PCDHA5: variants seen among roughly 807,000 people sequenced by gnomAD.
The protein encoded by PCDHA5 is protocadherin alpha-5.
A neutral mutation model predicts 61.6 loss-of-function variants in PCDHA5; 43 were observed. The ratio of observed to expected loss-of-function variants is 0.70; its 90% CI spans 0.55 to 0.90. PCDHA5 has a LOEUF of 0.90. Among genes scored for constraint, PCDHA5 ranks in the 40% least tolerant of loss-of-function variants. The pLI, the probability that PCDHA5 is intolerant of heterozygous loss-of-function variation, is 0.00. For synonymous variants in PCDHA5, 627 were observed against 543.9 expected (o/e 1.15, Z -2.13); for missense variants, 1,298 against 1,222.7 (o/e 1.06, Z -0.92).
At chr5:140,862,415 G>A (rs1382532896) in intron 1 of PCDHA5, 6 of 348,784 alleles carry the variant, frequency 1.7e-5, no homozygotes, top group Non-Finnish European at 2.8e-5. Context: ...TTCAAAAGGC[G>A]CTGCCCAGAA....
At chr5:140,967,758 A>G (rs781815948) in intron 1 of PCDHA5, 8 of 1,614,162 alleles carry the variant, frequency 5.0e-6, no homozygotes, top group Non-Finnish European at 5.9e-6. Context: ...GCCTCCTCCT[A>G]CCAGATCTAT....
Position 140,871,296 on chromosome 5 carries a change from C to A in PCDHA5, c.2352+47169C>A. ...CGGCAACGCCCACTGAGGGCGCGTG[C>A]GCGCCGGGGAAGCCCACGCTGGTGT... On this transcript the variant is annotated intron_variant, in intron 1 of 3. Coordinates refer to ENST00000529859, the MANE Select transcript of PCDHA5 (RefSeq NM_018908.3). 7 of 1,613,892 alleles carry A rather than the reference C, an allele frequency of 4.3e-6. No homozygotes were observed. The South Asian group carries it at 4.4e-5, about 10-fold the overall frequency.
Position 140,838,073 on chromosome 5 carries a change from ATATAGTGTGTGT to A in PCDHA5, c.2352+13947_2352+13958del, listed in dbSNP as rs1161120523. Among the ~76,000 whole-genome samples the A allele has an allele frequency of 1.4e-3, 180 of 126,834 alleles. 3 individuals are homozygous for A. Among genetic ancestry groups the A allele is most frequent in the South Asian group, 4.9e-3 (18 of 3,638 alleles). The allele number at this position is 126,834 out of a possible 152,430, so 83.2% of individuals were successfully genotyped here. ...TGGTTTTCCACTTTAAGTTATATATATATAGTGTGTGTGTGTGTGTGTGTGTGTGTGTGTGTG... is the reference window on the plus strand; with the variant it reads ...TGGTTTTCCACTTTAAGTTATATATAGTGTGTGTGTGTGTGTGTGTGTGTG... On this transcript the variant is annotated intron_variant, in intron 1 of 3. Coordinates refer to ENST00000529859, the MANE Select transcript of PCDHA5 (RefSeq NM_018908.3).
At chr5:140,904,206 C>T (rs2070944708) in intron 1 of PCDHA5, among the ~76,000 whole-genome samples, 1 of 151,882 alleles carries the variant, frequency 6.6e-6, no homozygotes, top group South Asian at 2.1e-4. Flanking sequence ...CCCCTAAGTC[C>T]CCAAAGTCCA....
chr5:140,928,081 C>T (rs782268064), intron 1 of PCDHA5: 1 of 1,614,090 alleles, frequency 6.2e-7, no homozygotes, highest in Non-Finnish European at 8.5e-7. Context: ...CTACTACAGC[C>T]TGCTGATTGA....
chr5:140,978,633 CA>C (rs2096813426), intron 1 of PCDHA5, among the ~76,000 whole-genome samples: 1 of 152,214 alleles, frequency 6.6e-6, no homozygotes, highest in South Asian at 2.1e-4. Context: ...TTTCCTTTCT[CA>C]AAGCAGACTG....
At chr5:140,850,396 C>T (rs2150482265) in intron 1 of PCDHA5, 1 of 1,597,978 alleles carries the variant, frequency 6.3e-7, no homozygotes, top group Non-Finnish European at 8.6e-7. Flanking sequence ...ATCAGCACAA[C>T]GCGTGCCCTG....
intron 1 of PCDHA5, chr5:140,867,891 G>C (rs1468636250): frequency 1.3e-5 from 2 of 152,016 alleles, no homozygotes; most frequent in African/African-American, 4.8e-5. Flanking sequence ...CACAATATCA[G>C]GTACTTACAG....
intron 1 of PCDHA5, among the ~76,000 whole-genome samples, chr5:140,972,314 GTGT>G (rs1387433472): frequency 1.3e-5 from 2 of 150,490 alleles, no homozygotes; most frequent in Non-Finnish European, 3.0e-5. Context: ...TAGTTTTTAG[GTGT>G]TTTTTTTTTT....
At chr5:140,898,894 G>A (rs1200031286) in intron 1 of PCDHA5, among the ~76,000 whole-genome samples, 5 of 152,102 alleles carry the variant, frequency 3.3e-5, no homozygotes, top group African/African-American at 9.7e-5. Context: ...TCTCCTTGAA[G>A]AGGTCCTTCA....
intron 1 of PCDHA5, among the ~76,000 whole-genome samples, chr5:140,906,601 A>G (rs1337843589): frequency 6.6e-6 from 1 of 152,156 alleles, no homozygotes; most frequent in Non-Finnish European, 1.5e-5. Flanking sequence ...TCTACTACTC[A>G]TTCTGTATTC....
intron 1 of PCDHA5, among the ~76,000 whole-genome samples, chr5:140,898,476 G>A (rs1167001415): frequency 6.6e-6 from 1 of 152,072 alleles, no homozygotes; most frequent in Non-Finnish European, 1.5e-5. Flanking sequence ...TTTTTCTCAG[G>A]TTTGTCAAAG....
chr5:140,823,321 G>T lies in PCDHA5; in HGVS notation c.1546G>T (p.Val516Leu). The T allele has an allele frequency of 6.2e-7, 1 of 1,612,290 alleles. No individual in the cohort carries two copies. Residue 516 changes from valine (V) to leucine (L), a missense_variant, in exon 1 of 4, where the codon GTG becomes TTG. By Grantham distance (32) the Val-to-Leu change is conservative. Coordinates refer to ENST00000529859, the MANE Select transcript of PCDHA5 (RefSeq NM_018908.3). ...TTCGGTGCACGCGGAGAGCGGCAAGGTGTACGCGCTGCAGCCGCTGGACCA... is the reference window on the plus strand; with the variant it reads ...TTCGGTGCACGCGGAGAGCGGCAAGTTGTACGCGCTGCAGCCGCTGGACCA... ...YVSVHAESGK[V>L]YALQPLDHEE...
chr5:140,823,132 G>A lies in PCDHA5; in HGVS notation c.1357G>A (p.Ala453Thr). Residue 453 changes from alanine to threonine, a missense_variant, in exon 1 of 4, where the codon GCG becomes ACG. Physicochemically the swap from Ala to Thr is moderately conservative, Grantham distance 58. Transcript: ENST00000529859. ...EVADVNDNAP[A>T]FAQPQYTVFV... ...GGCCGACGTGAACGACAACGCTCCG[G>A]CGTTCGCGCAGCCCCAGTATACCGT... 1 of 1,614,036 alleles carries A rather than the reference G, an allele frequency of 6.2e-7. No individual in the cohort carries two copies. Among genetic ancestry groups the A allele is most frequent in the South Asian group, 1.1e-5 (1 of 91,088 alleles).
chr5:140,828,369 A>C, intron 1 of PCDHA5: 1 of 1,614,252 alleles, frequency 6.2e-7, no homozygotes, highest in Non-Finnish European at 8.5e-7. Context: ...ATCGACCGCG[A>C]GGAGCTGTGC....
chr5:140,856,116 G>A, intron 1 of PCDHA5: 2 of 1,598,152 alleles, frequency 1.3e-6, no homozygotes, highest in African/African-American at 2.7e-5. Context: ...CTCGCAGCCT[G>A]GGAGGTGGGG....
At chr5:140,828,116 T>C (rs2150151180) in intron 1 of PCDHA5, 39 of 1,612,242 alleles carry the variant, frequency 2.4e-5, no homozygotes, top group Admixed American at 2.0e-4. Flanking sequence ...GGAGGATAGA[T>C]TGGGAAAGCA....
At chr5:140,921,277 A>G (rs1554200163) in intron 1 of PCDHA5, among the ~76,000 whole-genome samples, 1 of 152,210 alleles carries the variant, frequency 6.6e-6, no homozygotes, top group Non-Finnish European at 1.5e-5. Flanking sequence ...ACTTACTTGA[A>G]AAAAACCTCA....
intron 1 of PCDHA5, chr5:140,876,926 A>C (rs782589579): frequency 6.2e-7 from 1 of 1,613,842 alleles, no homozygotes; most frequent in East Asian, 2.2e-5. Context: ...GCGGACGCGC[A>C]GAAGAACGCG....
Sources: gnomAD v4.1 joint callset for allele counts (sites outside exome capture counted in the v4.1 genomes callset) on GRCh38, gnomAD v4.1.1 for gene constraint, MANE v1.5 for transcripts, NCBI Gene and HGNC (gene_info 2026-07-23, HGNC 2026-07-21) for gene names.